Variants in PEX7 observed in about 807,000 individuals in gnomAD.
PEX7 encodes PTS2 receptor.
In PEX7, 34 loss-of-function variants were observed where a neutral mutation model predicts 47.5. That is an observed-to-expected ratio of 0.72 (90% CI 0.54 to 0.95). The LOEUF is 0.95. Among genes scored for constraint, PEX7 ranks in the 40% least tolerant of loss-of-function variants. The probability of loss-of-function intolerance (pLI) is 0.00; values close to 1 mark genes in which losing one functional copy is unlikely to be tolerated. For synonymous variants in PEX7, 141 were observed against 148.8 expected (o/e 0.95, Z 0.38); for missense variants, 394 against 400.3 (o/e 0.98, Z 0.13).
intron 8 of PEX7, among the ~76,000 whole-genome samples, chr6:136,881,386 C>T (rs892549766): frequency 1.3e-5 from 2 of 152,134 alleles, no homozygotes; most frequent in African/African-American, 4.8e-5. Context: ...AAAAAGATAT[C>T]CACATATAGG....
intron 3 of PEX7, chr6:136,829,906 C>T: frequency 4.5e-6 from 3 of 665,686 alleles, no homozygotes; most frequent in Non-Finnish European, 8.1e-6. Context: ...CATTGCACTC[C>T]AGCCTGGACA....
chr6:136,885,771 T>C (rs540186298), intron 8 of PEX7, among the ~76,000 whole-genome samples: 2 of 152,318 alleles, frequency 1.3e-5, no homozygotes, highest in African/African-American at 2.4e-5. Context: ...CTGGAAGATA[T>C]ATATTCAATA....
intron 7 of PEX7, among the ~76,000 whole-genome samples, chr6:136,870,325 A>G (rs1015688577): frequency 5.9e-5 from 9 of 152,190 alleles, no homozygotes; most frequent in African/African-American, 1.9e-4. Flanking sequence ...TATGTTCTTT[A>G]TAAGTTTCTA....
chr6:136,878,271 C>G (rs961828783), intron 8 of PEX7, among the ~76,000 whole-genome samples: 1 of 152,180 alleles, frequency 6.6e-6, no homozygotes, highest in African/African-American at 2.4e-5. Flanking sequence ...TTGACTTCCT[C>G]TCTTCCTATT....
chr6:136,832,434 C>A (rs1381265685), intron 3 of PEX7, among the ~76,000 whole-genome samples: 1 of 152,208 alleles, frequency 6.6e-6, no homozygotes. Context: ...CTCTGACATG[C>A]CTTGGATACA....
rs1243298022 is a variant in PEX7, at chr6:136,913,718, A to G, written c.*192A>G. 6 of 590,264 alleles carry G rather than the reference A, an allele frequency of 1.0e-5. No homozygotes were observed. Among genetic ancestry groups the G allele is most frequent in the Non-Finnish European group, 1.5e-5 (5 of 332,620 alleles). 36.6% of individuals were successfully genotyped at this position (590,264 alleles called of 1,614,324 possible). A position where few individuals can be genotyped will look rare whatever the true frequency, so the allele number is the denominator to read the frequency against. On this transcript the variant is annotated 3_prime_UTR_variant, in exon 10 of 10. Transcript: ENST00000318471. ...GCTGACTCGTTAAGCCTGATACATAAGCCATATTTAAAATTCTAAGAAATA... is the reference window on the plus strand; with the variant it reads ...GCTGACTCGTTAAGCCTGATACATAGGCCATATTTAAAATTCTAAGAAATA...
At chr6:136,907,233 C>A (rs1434786123) in intron 9 of PEX7, among the ~76,000 whole-genome samples, 5 of 152,110 alleles carry the variant, frequency 3.3e-5, no homozygotes, top group Admixed American at 3.3e-4. Context: ...TAATGTCAAC[C>A]ACCTGATACA....
chr6:136,831,598 G>C (rs986657459), intron 3 of PEX7, among the ~76,000 whole-genome samples: 1 of 152,194 alleles, frequency 6.6e-6, no homozygotes, highest in Admixed American at 6.5e-5. Context: ...CTGAGACAAG[G>C]CAAGTCCCTT....
Position 136,826,553 on chromosome 6 carries a change from A to G in PEX7, c.339+84A>G, listed in dbSNP as rs75822533. On this transcript the variant is annotated intron_variant, in intron 3 of 9. Transcript: ENST00000318471. ...CATTTGGGGATGGACACATGGAGAAATATCTTCAGGGGACAAGTTTAAACG... is the reference window on the plus strand; with the variant it reads ...CATTTGGGGATGGACACATGGAGAAGTATCTTCAGGGGACAAGTTTAAACG... 1,570 of 1,493,274 alleles carry G rather than the reference A, an allele frequency of 1.1e-3. 16 individuals are homozygous for G. The African/African-American group carries it at 0.019, about 18-fold the overall frequency. 92.5% of individuals were successfully genotyped at this position (1,493,274 alleles called of 1,614,324 possible). A position where few individuals can be genotyped will look rare whatever the true frequency, so the allele number is the denominator to read the frequency against.
chr6:136,862,340 A>G (rs1179809270), intron 5 of PEX7, among the ~76,000 whole-genome samples: 1 of 151,740 alleles, frequency 6.6e-6, no homozygotes, highest in Non-Finnish European at 1.5e-5. Flanking sequence ...AGCCTCCCAA[A>G]GTGCTAGGAT....
At chr6:136,892,489 G>T (rs922989623) in intron 8 of PEX7, among the ~76,000 whole-genome samples, 1 of 152,166 alleles carries the variant, frequency 6.6e-6, no homozygotes, top group Non-Finnish European at 1.5e-5. Context: ...CCATTTATTA[G>T]CTCTATAACC....
At chr6:136,822,841 C>CG in intron 1 of PEX7, 46 bp downstream of exon 1, 1 of 1,210,694 alleles carries the variant, frequency 8.3e-7, no homozygotes, top group East Asian at 3.5e-5. Context: ...GAGGCGGAGG[C>CG]GGGGGCCAGC....
At chr6:136,826,557 CT>C (rs1480108403) in intron 3 of PEX7, 88 bp downstream of exon 3, 1 of 1,454,070 alleles carries the variant, frequency 6.9e-7, no homozygotes, top group Non-Finnish European at 9.6e-7. Context: ...GGAGAAATAT[CT>C]TCAGGGGACA....
At chr6:136,878,238 T>C (rs1023251131) in intron 8 of PEX7, among the ~76,000 whole-genome samples, 1 of 152,244 alleles carries the variant, frequency 6.6e-6, no homozygotes, top group African/African-American at 2.4e-5. Flanking sequence ...TATACAATCA[T>C]GTCATCTGCA....
intron 9 of PEX7, among the ~76,000 whole-genome samples, chr6:136,907,653 A>G (rs1199775962): frequency 6.6e-6 from 1 of 152,296 alleles, no homozygotes; most frequent in East Asian, 1.9e-4. Flanking sequence ...TAAATAGGAA[A>G]TGGAAAACTT....
At chr6:136,834,484 T>A (rs1332334908) in intron 3 of PEX7, among the ~76,000 whole-genome samples, 1 of 152,224 alleles carries the variant, frequency 6.6e-6, no homozygotes, top group South Asian at 2.1e-4. Flanking sequence ...CCCAAAGTCC[T>A]GGGATTATAG....
At chr6:136,863,139 C>G (rs1033548624) in intron 5 of PEX7, among the ~76,000 whole-genome samples, 1 of 152,200 alleles carries the variant, frequency 6.6e-6, no homozygotes, top group Non-Finnish European at 1.5e-5. Context: ...TACTTTCAAA[C>G]TTATCATTCA....
At chr6:136,822,967 G>T in intron 1 of PEX7, 172 bp downstream of exon 1, 1 of 985,492 alleles carries the variant, frequency 1.0e-6, no homozygotes, top group Non-Finnish European at 1.2e-6. Context: ...TTTGCCGAGT[G>T]CGAGGAGTTG....
Position 136,826,431 on chromosome 6 carries a change from G to T in PEX7, c.301G>T (p.Ala101Ser), listed in dbSNP as rs1774194018. The T allele has an allele frequency of 6.2e-7, 1 of 1,614,010 alleles. No individual in the cohort carries two copies. Among genetic ancestry groups the T allele is most frequent in the Non-Finnish European group, 8.5e-7 (1 of 1,180,008 alleles). The change falls in exon 3 of 10, where the codon GCA becomes TCA. Residue 101 changes from alanine (A) to serine (S), a missense_variant. Coordinates refer to ENST00000318471, the MANE Select transcript of PEX7 (RefSeq NM_000288.4). Reference protein sequence around the residue: ...SLQLWDTAKAAGPLQVYKEHA... With the variant: ...SLQLWDTAKASGPLQVYKEHA... ...GCAGCTCTGGGACACTGCCAAAGCT[G>T]CAGGGCCACTGCAAGTCTATAAAGA...
Sources: allele counts gnomAD v4.1 joint callset (sites outside exome capture counted in the v4.1 genomes callset), GRCh38; gene constraint gnomAD v4.1.1; transcripts MANE v1.5; gene names NCBI Gene and HGNC (gene_info 2026-07-23, HGNC 2026-07-21).